ZMYM4: variants seen among roughly 807,000 people sequenced by gnomAD.
ZMYM4 encodes the protein zinc finger MYM-type containing 4.
ZMYM4 carries 31 observed loss-of-function variants against 183.2 expected under a neutral mutation model. The observed-to-expected ratio is 0.17, with a 90% confidence interval of 0.13 to 0.23. The LOEUF (loss-of-function observed/expected upper bound fraction) is 0.23. Ranked by LOEUF, ZMYM4 falls within the 10% of genes least tolerant of loss-of-function variation. The pLI is 1.00. For missense variants in ZMYM4, 1,273 were observed against 1,840.3 expected (o/e 0.69, Z 5.64); for synonymous variants, 592 against 631.2 (o/e 0.94, Z 0.93).
chr1:35,401,275 C>T (rs1023509222), intron 23 of ZMYM4, among the ~76,000 whole-genome samples: 25 of 152,186 alleles, frequency 1.6e-4, no homozygotes, highest in African/African-American at 6.0e-4. Flanking sequence ...CCATCTGCTC[C>T]ATGACTTTGC....
chr1:35,364,758 T>C (rs1376060163), intron 5 of ZMYM4, among the ~76,000 whole-genome samples: 1 of 152,216 alleles, frequency 6.6e-6, no homozygotes, highest in African/African-American at 2.4e-5. Context: ...CTTTGGCTTT[T>C]CTTTGTGCTT....
intron 2 of ZMYM4, among the ~76,000 whole-genome samples, chr1:35,356,077 G>T (rs1458705858): frequency 1.3e-5 from 2 of 152,164 alleles, no homozygotes; most frequent in African/African-American, 4.8e-5. Context: ...AGATGTGGCG[G>T]CATGCGCCTG....
At chr1:35,390,602 C>G (rs769169314) in intron 15 of ZMYM4, among the ~76,000 whole-genome samples, 4 of 152,166 alleles carry the variant, frequency 2.6e-5, no homozygotes, top group Non-Finnish European at 2.9e-5. Flanking sequence ...AACCGGCCAT[C>G]TGGATGTGTA....
At chr1:35,382,499 G>T (rs1225531969) in intron 9 of ZMYM4, among the ~76,000 whole-genome samples, 1 of 149,614 alleles carries the variant, frequency 6.7e-6, no homozygotes, top group Non-Finnish European at 1.5e-5. Context: ...CTCCCAGGCT[G>T]GAGTGTGATC....
intron 1 of ZMYM4, among the ~76,000 whole-genome samples, chr1:35,309,738 C>T (rs867586039): frequency 5.3e-5 from 8 of 151,836 alleles, no homozygotes; most frequent in South Asian, 2.1e-4. Context: ...GAGCTATGAT[C>T]GCACCACTGT....
intron 1 of ZMYM4, among the ~76,000 whole-genome samples, chr1:35,284,997 G>A (rs1168193535): frequency 6.6e-6 from 1 of 152,172 alleles, no homozygotes; most frequent in Non-Finnish European, 1.5e-5. Context: ...CGACAAATGC[G>A]AGAGTTTATT....
chr1:35,389,995 C>G lies in ZMYM4; in HGVS notation c.2484C>G (p.Ser828=). 1 of 1,613,664 alleles carries G rather than the reference C, an allele frequency of 6.2e-7. No homozygotes were observed. Among genetic ancestry groups the G allele is most frequent in the Admixed American group, 1.7e-5 (1 of 59,994 alleles). The change falls in exon 15 of 30, where the codon TCC becomes TCG. Residue 828 remains serine (S), a synonymous_variant. Coordinates refer to ENST00000314607, the MANE Select transcript of ZMYM4 (RefSeq NM_005095.3). The surrounding 1 kb of genome is among the most constrained non-coding windows in gnomAD (Gnocchi z 4.0). Reference sequence around the variant, plus strand: ...AGCGACAGGGTAAACTCAGTGAGTCCTTGAAATGGCGAGGGGAAATGAAAC... The same window carrying G: ...AGCGACAGGGTAAACTCAGTGAGTCGTTGAAATGGCGAGGGGAAATGAAAC... ...ACKRQGKLSE[S]LKWRGEMKHF... is the part of the protein sequence containing the mutation.
chr1:35,361,815 C>T (rs540432460), intron 5 of ZMYM4, 26 bp downstream of exon 5: 16 of 1,589,370 alleles, frequency 1.0e-5, no homozygotes, highest in Admixed American at 1.9e-5. Context: ...TTTTTCCCCC[C>T]TTCTTTTTGT....
intron 2 of ZMYM4, among the ~76,000 whole-genome samples, chr1:35,335,217 A>G (rs1233758953): frequency 6.8e-6 from 1 of 146,580 alleles, no homozygotes; most frequent in African/African-American, 2.5e-5. Context: ...GTGTGTTACC[A>G]CTTGCTTTTA....
chr1:35,363,996 G>A (rs990324503), intron 5 of ZMYM4, among the ~76,000 whole-genome samples: 1 of 152,120 alleles, frequency 6.6e-6, no homozygotes, highest in Admixed American at 6.6e-5. Flanking sequence ...ATACAATAGG[G>A]GTAGAGAACA....
At chr1:35,278,382 T>C (rs1394717972) in intron 1 of ZMYM4, among the ~76,000 whole-genome samples, 1 of 151,350 alleles carries the variant, frequency 6.6e-6, no homozygotes, top group Admixed American at 6.6e-5. Flanking sequence ...ATTCACCTCA[T>C]CCCAACATCC....
chr1:35,291,598 A>C (rs144571110), intron 1 of ZMYM4, among the ~76,000 whole-genome samples: 2 of 147,644 alleles, frequency 1.4e-5, no homozygotes, highest in African/African-American at 2.5e-5. Flanking sequence ...ACATAGCTAC[A>C]GTTATTAGCA....
chr1:35,381,893 C>G (rs916397514), intron 9 of ZMYM4, 135 bp downstream of exon 9: 23 of 1,114,486 alleles, frequency 2.1e-5, no homozygotes, highest in Middle Eastern at 2.1e-4. Flanking sequence ...ACCTGTAATC[C>G]CAGCACTTTG....
chr1:35,382,642 A>G (rs1306365969), intron 9 of ZMYM4, among the ~76,000 whole-genome samples: 2 of 151,866 alleles, frequency 1.3e-5, no homozygotes, highest in Admixed American at 1.3e-4. Context: ...ATGGGATTTC[A>G]CTATACTGGC....
At chr1:35,374,602 C>T (rs1644293763) in intron 7 of ZMYM4, among the ~76,000 whole-genome samples, 1 of 150,662 alleles carries the variant, frequency 6.6e-6, no homozygotes, top group Non-Finnish European at 1.5e-5. Context: ...GAGTCTGAGA[C>T]TCAGCCTGGG....
At chr1:35,404,896 G>A (rs1425959543) in intron 23 of ZMYM4, 127 bp from the exon 24 acceptor site, 1 of 906,274 alleles carries the variant, frequency 1.1e-6, no homozygotes, top group Admixed American at 2.9e-5. Context: ...TAAGAACTCT[G>A]AATCTTTAGG....
chr1:35,397,611 T>G, intron 20 of ZMYM4, 66 bp downstream of exon 20: 1 of 1,394,780 alleles, frequency 7.2e-7, no homozygotes, highest in Non-Finnish European at 9.6e-7. Context: ...GTGACTCAAG[T>G]AATTTTAAGT....
intron 2 of ZMYM4, chr1:35,351,184 GC>G: frequency 7.6e-7 from 1 of 1,309,806 alleles, no homozygotes; most frequent in Admixed American, 1.7e-5. Flanking sequence ...ACTACCACTG[GC>G]AATAAAGTTT....
At chr1:35,329,069 C>G (rs1642625392) in intron 2 of ZMYM4, among the ~76,000 whole-genome samples, 1 of 152,050 alleles carries the variant, frequency 6.6e-6, no homozygotes. Context: ...TCACTGTCAG[C>G]AAAATATAGT....
Sources: allele counts gnomAD v4.1 joint callset (sites outside exome capture counted in the v4.1 genomes callset), GRCh38; gene constraint gnomAD v4.1.1; non-coding constraint Gnocchi (gnomAD v3.1); transcripts MANE v1.5; gene names NCBI Gene and HGNC (gene_info 2026-07-23, HGNC 2026-07-21).